The following KCNG3 variants were observed in gnomAD, a reference collection of about 807,000 sequenced individuals.
KCNG3 encodes voltage-gated potassium channel regulatory subunit KCNG3.
In KCNG3, 15 loss-of-function variants were observed where a neutral mutation model predicts 29.0. The ratio of observed to expected loss-of-function variants is 0.52; its 90% CI spans 0.35 to 0.80. The LOEUF is 0.80. Among genes scored for constraint, KCNG3 ranks in the 30% least tolerant of loss-of-function variants. The pLI is 0.01. For synonymous variants in KCNG3, 322 were observed against 248.9 expected (o/e 1.29, Z -2.76); for missense variants, 512 against 605.7 (o/e 0.85, Z 1.62).
rs1304961410 is a variant in KCNG3, at chr2:42,457,621, C to T, written c.666-13042G>A. Among the ~76,000 whole-genome samples, 14 of 76,464 alleles carry T rather than the reference C, an allele frequency of 1.8e-4. No homozygotes were observed. In the South Asian group the frequency reaches 7.5e-3, roughly 41 times the overall value. 50.2% of individuals were successfully genotyped at this position (76,464 alleles called of 152,430 possible). A position where few individuals can be genotyped will look rare whatever the true frequency, so the allele number is the denominator to read the frequency against. On this transcript the variant is annotated intron_variant, in intron 1 of 1. Transcript: ENST00000306078. ...TAGCACTTTGGGAGGCCGAGGCAGG[C>T]AGATCTCACACACACACACACACAC... is the stretch of plus-strand genomic sequence containing the variant.
the KCNG3 span, among the ~76,000 whole-genome samples, chr2:42,404,231 C>A: frequency 6.6e-6 from 1 of 152,148 alleles, no homozygotes; most frequent in Non-Finnish European, 1.5e-5. Flanking sequence ...TATCCATTCC[C>A]CTAAGTTTTC....
At chr2:42,475,784 G>T (rs1208301670) in intron 1 of KCNG3, among the ~76,000 whole-genome samples, 2 of 152,012 alleles carry the variant, frequency 1.3e-5, no homozygotes, top group South Asian at 2.1e-4. Flanking sequence ...AATAAAATCG[G>T]GCCAAGCACA....
chr2:42,451,938 A>C (rs1672765643), intron 1 of KCNG3, among the ~76,000 whole-genome samples: 2 of 151,830 alleles, frequency 1.3e-5, no homozygotes, highest in African/African-American at 4.8e-5. Flanking sequence ...ACAAAGATAC[A>C]ATCAAGAGTG....
chr2:42,410,500 G>A, the KCNG3 span, among the ~76,000 whole-genome samples: 1 of 152,086 alleles, frequency 6.6e-6, no homozygotes, highest in Admixed American at 6.6e-5. Context: ...GGTGAAAAAT[G>A]GCACCTTAGT....
the KCNG3 span, among the ~76,000 whole-genome samples, chr2:42,405,163 G>T: frequency 6.6e-6 from 1 of 152,218 alleles, no homozygotes; most frequent in African/African-American, 2.4e-5. Flanking sequence ...TAACTATCCA[G>T]TGCCAATCAA....
chr2:42,490,854 G>A (rs74501838), intron 1 of KCNG3, among the ~76,000 whole-genome samples: 8 of 152,282 alleles, frequency 5.3e-5, no homozygotes, highest in African/African-American at 1.9e-4. Flanking sequence ...GGGTTTTAAC[G>A]ACTATACTTA....
At chr2:42,488,305 A>C (rs1318533051) in intron 1 of KCNG3, among the ~76,000 whole-genome samples, 3 of 152,210 alleles carry the variant, frequency 2.0e-5, no homozygotes, top group Non-Finnish European at 4.4e-5. Context: ...GGAGGTTCAT[A>C]AAAGTAAACC....
At chr2:42,402,898 GT>G in the KCNG3 span, among the ~76,000 whole-genome samples, 8 of 152,260 alleles carry the variant, frequency 5.3e-5, no homozygotes, top group East Asian at 1.5e-3. Flanking sequence ...TGTAAAAAAT[GT>G]TTGTCAAAGG....
At chr2:42,460,373 A>G (rs1179683813) in intron 1 of KCNG3, among the ~76,000 whole-genome samples, 1 of 152,192 alleles carries the variant, frequency 6.6e-6, no homozygotes, top group Admixed American at 6.5e-5. Context: ...TTAACTAATT[A>G]ATTAATAATT....
the KCNG3 span, among the ~76,000 whole-genome samples, chr2:42,419,141 A>G: frequency 4.2e-5 from 6 of 144,186 alleles, no homozygotes; most frequent in Admixed American, 3.5e-4. Flanking sequence ...CAGACCGTGT[A>G]ATGTTCCTGA....
the KCNG3 span, among the ~76,000 whole-genome samples, chr2:42,411,008 ACTTT>A: frequency 1.3e-5 from 2 of 152,182 alleles, no homozygotes; most frequent in Non-Finnish European, 2.9e-5. Flanking sequence ...TTTCCAGATA[ACTTT>A]CTGACTGTTT....
the KCNG3 span, among the ~76,000 whole-genome samples, chr2:42,422,276 T>C: frequency 2.0e-5 from 3 of 152,122 alleles, no homozygotes; most frequent in Non-Finnish European, 4.4e-5. Flanking sequence ...AATGCTGTTA[T>C]CTTGAGAGTA....
intron 1 of KCNG3, among the ~76,000 whole-genome samples, chr2:42,474,802 A>G (rs1008743002): frequency 2.0e-5 from 3 of 152,210 alleles, no homozygotes; most frequent in African/African-American, 7.2e-5. Context: ...CAAAAAGAAA[A>G]TTACATATGG....
the KCNG3 span, among the ~76,000 whole-genome samples, chr2:42,399,063 T>C: frequency 1.5e-4 from 22 of 145,684 alleles, no homozygotes; most frequent in African/African-American, 5.3e-4. Flanking sequence ...TTTCTTTTTT[T>C]TTTTTTTTTT....
intron 1 of KCNG3, among the ~76,000 whole-genome samples, chr2:42,447,301 C>T (rs1219111468): frequency 7.7e-6 from 1 of 129,750 alleles, no homozygotes; most frequent in East Asian, 2.0e-4. Flanking sequence ...TACATACATA[C>T]ACACATATAT....
At chr2:42,470,658 T>C (rs1673263296) in intron 1 of KCNG3, among the ~76,000 whole-genome samples, 2 of 152,120 alleles carry the variant, frequency 1.3e-5, no homozygotes, top group Non-Finnish European at 2.9e-5. Flanking sequence ...GCAGATAGCT[T>C]GAGCCCAGGA....
intron 1 of KCNG3, among the ~76,000 whole-genome samples, chr2:42,477,422 C>CATAT (rs1673464305): frequency 2.5e-5 from 1 of 40,788 alleles, no homozygotes; most frequent in African/African-American, 6.6e-5. Context: ...CACACACACA[C>CATAT]ATATATTTTT....
chr2:42,448,944 C>G (rs972684486), intron 1 of KCNG3, among the ~76,000 whole-genome samples: 1 of 151,894 alleles, frequency 6.6e-6, no homozygotes, highest in Non-Finnish European at 1.5e-5. Context: ...CGCCACTGCA[C>G]TCCAGCCTGG....
In KCNG3 at chr2:42,493,412, G is replaced by C; in HGVS notation, c.90C>G (p.Phe30Leu). The change falls in exon 1 of 2, where the codon TTC becomes TTG. Residue 30 changes from phenylalanine to leucine, a missense_variant. Transcript: ENST00000306078. ...GCAGCCGGCTCACGCGGCGCAGCGG[G>C]AAGTCCTTCAGCAGCTCCCGGGACA... is the stretch of plus-strand genomic sequence containing the variant. ...YSLSRELLKDFPLRRVSRLHG... is the reference protein window; with the variant it reads ...YSLSRELLKDLPLRRVSRLHG... The C allele has an allele frequency of 6.6e-7, 1 of 1,514,680 alleles. No individual in the cohort carries two copies. Among genetic ancestry groups the C allele is most frequent in the Non-Finnish European group, 8.8e-7 (1 of 1,134,116 alleles). The allele number at this position is 1,514,680 out of a possible 1,614,324, so 93.8% of individuals were successfully genotyped here.
Sources: gnomAD v4.1 joint callset for allele counts (sites outside exome capture counted in the v4.1 genomes callset) on GRCh38, gnomAD v4.1.1 for gene constraint, MANE v1.5 for transcripts, NCBI Gene and HGNC (gene_info 2026-07-23, HGNC 2026-07-21) for gene names.